Variants in IQCM observed in about 807,000 individuals in gnomAD.
IQCM encodes IQ motif containing M, also known as IQ domain-containing protein M.
In IQCM, 45 loss-of-function variants were observed where a neutral mutation model predicts 57.6. The observed-to-expected ratio is 0.78, with a 90% confidence interval of 0.62 to 1.00. IQCM has a LOEUF of 1.00. Ranked by LOEUF, IQCM falls within the 50% of genes least tolerant of loss-of-function variation. The pLI is 0.00. For missense variants in IQCM, 468 were observed against 511.6 expected (o/e 0.91, Z 0.82); for synonymous variants, 148 against 158.9 (o/e 0.93, Z 0.51).
chr4:149,600,577 T>A (rs1017854918), intron 8 of IQCM, among the ~76,000 whole-genome samples: 1 of 152,194 alleles, frequency 6.6e-6, no homozygotes, highest in East Asian at 1.9e-4. Flanking sequence ...AAAGATCCAG[T>A]GATTTTCTAG....
chr4:149,669,877 C>A (rs1761097744), intron 7 of IQCM, among the ~76,000 whole-genome samples: 2 of 152,090 alleles, frequency 1.3e-5, no homozygotes, highest in African/African-American at 2.4e-5. Flanking sequence ...TTGGTTACTG[C>A]AGCCTTATAG....
At chr4:149,497,814 T>A (rs1372331162) in intron 12 of IQCM, among the ~76,000 whole-genome samples, 1 of 151,918 alleles carries the variant, frequency 6.6e-6, no homozygotes, top group East Asian at 1.9e-4. Context: ...TTTCTATCAA[T>A]TGCAAGTTTG....
At chr4:149,461,320 T>C (rs1455784706) in intron 12 of IQCM, among the ~76,000 whole-genome samples, 1 of 151,788 alleles carries the variant, frequency 6.6e-6, no homozygotes, top group Non-Finnish European at 1.5e-5. Context: ...TTGTTTATGG[T>C]AAGGTAACAT....
intron 7 of IQCM, among the ~76,000 whole-genome samples, chr4:149,622,714 A>G (rs1187594271): frequency 6.6e-6 from 1 of 152,154 alleles, no homozygotes; most frequent in East Asian, 1.9e-4. Flanking sequence ...AGGGAGTATA[A>G]AAGAGTAACA....
intron 5 of IQCM, among the ~76,000 whole-genome samples, chr4:149,702,362 T>C (rs1763841173): frequency 6.6e-6 from 1 of 151,210 alleles, no homozygotes; most frequent in East Asian, 1.9e-4. Flanking sequence ...ACCACCTAAA[T>C]ACTACCTGTA....
intron 5 of IQCM, among the ~76,000 whole-genome samples, chr4:149,727,918 C>G (rs943210742): frequency 6.6e-6 from 1 of 152,188 alleles, no homozygotes; most frequent in African/African-American, 2.4e-5. Context: ...CTGTGTACAT[C>G]TCTTCCCAAC....
intron 3 of IQCM, among the ~76,000 whole-genome samples, chr4:149,738,880 C>T (rs148582167): frequency 5.8e-4 from 89 of 152,294 alleles, no homozygotes; most frequent in Non-Finnish European, 9.1e-4. Context: ...TACCTCAATG[C>T]CTTAGAAAAG....
At chr4:149,384,947 T>C (rs979600006) in intron 13 of IQCM, among the ~76,000 whole-genome samples, 2 of 152,086 alleles carry the variant, frequency 1.3e-5, no homozygotes, top group Non-Finnish European at 2.9e-5. Flanking sequence ...ATTTAGCTTC[T>C]TTACTTTAAA....
intron 2 of IQCM, among the ~76,000 whole-genome samples, chr4:149,780,917 G>A (rs915232347): frequency 2.0e-5 from 3 of 152,148 alleles, no homozygotes; most frequent in Non-Finnish European, 2.9e-5. Context: ...GGTATCATGC[G>A]AAGATGAGTG....
chr4:149,534,284 A>G (rs1188468859), intron 12 of IQCM, among the ~76,000 whole-genome samples: 2 of 152,140 alleles, frequency 1.3e-5, no homozygotes, highest in African/African-American at 4.8e-5. Context: ...GTGTACATTC[A>G]ATTTTGTGCC....
chr4:149,595,027 C>T (rs1318423820), intron 8 of IQCM, among the ~76,000 whole-genome samples: 4 of 152,100 alleles, frequency 2.6e-5, no homozygotes, highest in South Asian at 2.1e-4. Flanking sequence ...CTTTCTGTCT[C>T]GTTGATCTGT....
chr4:149,740,931 C>T (rs542893948), intron 3 of IQCM, among the ~76,000 whole-genome samples: 1 of 152,106 alleles, frequency 6.6e-6, no homozygotes, highest in East Asian at 1.9e-4. Context: ...GGAATTAAGG[C>T]CATCAGTTCT....
intron 4 of IQCM, 149 bp downstream of exon 4, chr4:149,735,227 T>A: frequency 2.5e-6 from 1 of 399,580 alleles, no homozygotes; most frequent in Non-Finnish European, 4.3e-6. Context: ...TCAATTTTTA[T>A]AGCTAGTGAG....
At chr4:149,779,528 T>G (rs1233880079) in intron 2 of IQCM, among the ~76,000 whole-genome samples, 2 of 152,124 alleles carry the variant, frequency 1.3e-5, no homozygotes, top group Admixed American at 6.5e-5. Flanking sequence ...TAAATGATAC[T>G]AGAACAAATG....
At chr4:149,484,513 T>A (rs994580980) in intron 12 of IQCM, among the ~76,000 whole-genome samples, 3 of 152,010 alleles carry the variant, frequency 2.0e-5, no homozygotes, top group Admixed American at 1.3e-4. Context: ...AATACTCTCT[T>A]ATAACCCATT....
intron 10 of IQCM, among the ~76,000 whole-genome samples, chr4:149,556,964 C>T (rs897897279): frequency 6.6e-6 from 1 of 152,170 alleles, no homozygotes; most frequent in Non-Finnish European, 1.5e-5. Context: ...TGTCTAATTG[C>T]TCAGTACAGA....
At chr4:149,744,450 T>C (rs1297677084) in intron 2 of IQCM, among the ~76,000 whole-genome samples, 6 of 152,232 alleles carry the variant, frequency 3.9e-5, no homozygotes, top group Non-Finnish European at 8.8e-5. Flanking sequence ...TCTCTGGGTC[T>C]GTTGGCTCCT....
intron 2 of IQCM, among the ~76,000 whole-genome samples, chr4:149,772,997 G>A (rs1442085747): frequency 6.6e-6 from 1 of 152,210 alleles, no homozygotes; most frequent in African/African-American, 2.4e-5. Flanking sequence ...AAAAATTTAA[G>A]TGGACACAGA....
intron 12 of IQCM, among the ~76,000 whole-genome samples, chr4:149,523,881 A>T (rs1745904088): frequency 6.6e-6 from 1 of 152,182 alleles, no homozygotes; most frequent in Admixed American, 6.5e-5. Flanking sequence ...ACCAAAGGAA[A>T]AGGGCAGAGT....
Sources: gnomAD v4.1 joint callset for allele counts (sites outside exome capture counted in the v4.1 genomes callset) on GRCh38, gnomAD v4.1.1 for gene constraint, MANE v1.5 for transcripts, NCBI Gene and HGNC (gene_info 2026-07-23, HGNC 2026-07-21) for gene names.